DEPDC5: variants seen among roughly 807,000 people sequenced by gnomAD.
DEPDC5 encodes DEP domain containing 5, GATOR1 subcomplex subunit.
A neutral mutation model predicts 217.3 loss-of-function variants in DEPDC5; 73 were observed. The ratio of observed to expected loss-of-function variants is 0.34; its 90% confidence interval spans 0.28 to 0.41. The LOEUF (loss-of-function observed/expected upper bound fraction) is 0.41, where lower values mean the gene tolerates loss of function less well. Among genes scored for constraint, DEPDC5 ranks in the 10% least tolerant of loss-of-function variants. The pLI, the probability that DEPDC5 is intolerant of heterozygous loss-of-function variation, is 1.00. For missense variants in DEPDC5, 1,675 were observed against 2,070.1 expected (o/e 0.81, Z 3.70); for synonymous variants, 733 against 756.7 (o/e 0.97, Z 0.51).
rs749359485 is a variant in DEPDC5, at chr22:31,804,160, A to G, written c.1082-2A>G. ...AATTCTTTTTGTCTTTTCTTTTTTT[A>G]GGAATTGGTGTGGATTTGGTGTGCA... is the stretch of plus-strand genomic sequence containing the variant. On this transcript the variant is annotated splice_acceptor_variant, in intron 15 of 42. Transcript: ENST00000651528. LOFTEE classifies it high-confidence loss of function. 6.2e-7 allele frequency: 1 copy of G among 1,613,852 alleles called. No individual in the cohort carries two copies. The highest frequency in any genetic ancestry group is 1.3e-5 in the African/African-American group (1 of 74,974).
At chr22:31,785,089 C>T in intron 10 of DEPDC5, 1 of 473,522 alleles carries the variant, frequency 2.1e-6, no homozygotes. Flanking sequence ...GAAAACTTTC[C>T]CCCAAGATCA....
rs1359197227 is a variant in DEPDC5, at chr22:31,838,913, A to ATGG, written c.2515+70_2515+72dup. 26 of 1,502,516 alleles carry ATGG rather than the reference A, an allele frequency of 1.7e-5. No individual in the cohort carries two copies. The African/African-American group carries it at 3.2e-4, about 19-fold the overall frequency. The allele number at this position is 1,502,516 out of a possible 1,614,324, so 93.1% of individuals were successfully genotyped here. ...GTGTATGTGGAAGTGGGTTTTCAAG[A>ATGG]TGGTAGGTAGTAGATAAATTTAGTA... On this transcript the variant is annotated intron_variant, in intron 27 of 42. Coordinates refer to ENST00000651528, the MANE Select transcript of DEPDC5 (RefSeq NM_001242896.3).
At chr22:31,864,675 G>GAA (rs2092635325) in intron 33 of DEPDC5, among the ~76,000 whole-genome samples, 1 of 151,556 alleles carries the variant, frequency 6.6e-6, no homozygotes, top group African/African-American at 2.4e-5. Flanking sequence ...AGCACTTTGG[G>GAA]AGGCCAAAGT....
chr22:31,770,131 G>A (rs1405930656), intron 7 of DEPDC5, among the ~76,000 whole-genome samples: 1 of 150,770 alleles, frequency 6.6e-6, no homozygotes, highest in Non-Finnish European at 1.5e-5. Flanking sequence ...CTACTCAGGA[G>A]GCTGAGGTGG....
In DEPDC5 at chr22:31,768,684, G is replaced by A. The variant is rs1005912191; in HGVS notation, c.364-130G>A. The A allele has an allele frequency of 5.2e-6, 4 of 767,478 alleles. No homozygotes were observed. In the African/African-American group the frequency reaches 5.3e-5, roughly 10 times the overall value. 47.5% of individuals were successfully genotyped at this position (767,478 alleles called of 1,614,324 possible). The stretch of plus-strand genomic sequence containing the variant: ...AAGCTAGTTCAACTTTGGGTTGGTA[G>A]AAGAGATTAGAAAGCTAGGAGTTCT... On this transcript the variant is annotated intron_variant, in intron 6 of 42. Coordinates refer to ENST00000651528, the MANE Select transcript of DEPDC5 (RefSeq NM_001242896.3).
chr22:31,783,209 A>G (rs2084633597), intron 8 of DEPDC5, among the ~76,000 whole-genome samples: 1 of 152,180 alleles, frequency 6.6e-6, no homozygotes, highest in Non-Finnish European at 1.5e-5. Flanking sequence ...AGGGAATAAA[A>G]GCTGGCCACC....
chr22:31,834,314 G>C (rs1280000184), intron 25 of DEPDC5: 2 of 271,626 alleles, frequency 7.4e-6, no homozygotes, highest in East Asian at 1.4e-4. Context: ...AGACATAATA[G>C]GCTGTTAACT....
chr22:31,861,904 C>A (rs879627345), intron 33 of DEPDC5, among the ~76,000 whole-genome samples: 1 of 152,194 alleles, frequency 6.6e-6, no homozygotes, highest in East Asian at 1.9e-4. Flanking sequence ...AGGTGTAGCT[C>A]ACCTAGCTTC....
At chr22:31,758,167 G>A (rs558137639) in intron 2 of DEPDC5, among the ~76,000 whole-genome samples, 3 of 152,270 alleles carry the variant, frequency 2.0e-5, no homozygotes, top group Admixed American at 6.5e-5. Flanking sequence ...TAACTGTAAC[G>A]AATTGTGCTG....
In DEPDC5 at chr22:31,906,428, C is replaced by G; in HGVS notation, c.4743C>G (p.Ile1581Met). The change falls in exon 43 of 43, where the codon ATC (isoleucine) becomes ATG (methionine). Residue 1581 changes from isoleucine to methionine, a missense_variant. Around this residue, in one of 11 missense-constraint regions of DEPDC5, gnomAD observed 49 missense variants for 74.7 expected, o/e 0.66. Coordinates refer to ENST00000651528, the MANE Select transcript of DEPDC5 (RefSeq NM_001242896.3). The surrounding 1 kb of genome is among the most constrained non-coding windows in gnomAD (Gnocchi z 5.1). The part of the protein sequence containing the change: ...RLLKDFTDFC[I>M]NRDNRLVTFW... ...TGAAGGACTTCACGGACTTCTGCAT[C>G]AACCGTGACAACCGGCTGGTCACGT... 6.2e-7 allele frequency: 1 copy of G among 1,614,044 alleles called. No homozygotes were observed. The highest frequency in any genetic ancestry group is 8.5e-7 in the Non-Finnish European group (1 of 1,180,048).
intron 7 of DEPDC5, among the ~76,000 whole-genome samples, chr22:31,773,930 G>T (rs1430515620): frequency 1.3e-5 from 2 of 152,086 alleles, no homozygotes; most frequent in Non-Finnish European, 2.9e-5. Context: ...AATTAGCTGA[G>T]CATGATGGCA....
At chr22:31,826,755 A>T (rs1318661499) in intron 24 of DEPDC5, among the ~76,000 whole-genome samples, 1 of 152,208 alleles carries the variant, frequency 6.6e-6, no homozygotes, top group Non-Finnish European at 1.5e-5. Flanking sequence ...GCTTATCTTT[A>T]TTCATTTTCT....
At chr22:31,832,227 A>G (rs2063606774) in intron 24 of DEPDC5, among the ~76,000 whole-genome samples, 1 of 152,258 alleles carries the variant, frequency 6.6e-6, no homozygotes, top group Admixed American at 6.5e-5. Flanking sequence ...TAAGACTTCT[A>G]TAAATGTTTA....
chr22:31,873,603 A>G (rs1380627501), intron 35 of DEPDC5, among the ~76,000 whole-genome samples: 1 of 151,906 alleles, frequency 6.6e-6, no homozygotes, highest in East Asian at 1.9e-4. Flanking sequence ...CTCTGCCTCA[A>G]GATGGGATTT....
At chr22:31,844,559 C>T (rs542761834) in intron 29 of DEPDC5, among the ~76,000 whole-genome samples, 11 of 152,136 alleles carry the variant, frequency 7.2e-5, no homozygotes, top group African/African-American at 2.2e-4. Flanking sequence ...AGCTTTGTGA[C>T]GCCTGATTTT....
chr22:31,902,772 C>T (rs1031246751), intron 41 of DEPDC5, among the ~76,000 whole-genome samples: 2 of 152,074 alleles, frequency 1.3e-5, no homozygotes, highest in Admixed American at 6.5e-5. Context: ...TCTTACCCCT[C>T]ACGGGGAAGC....
rs1350787246 is a variant in DEPDC5 at position 31,845,246 on chromosome 22, TC to T, written c.3021+11del. 4 of 1,610,834 alleles carry T rather than the reference TC, an allele frequency of 2.5e-6. No homozygotes were observed. Among genetic ancestry groups the T allele is most frequent in the Non-Finnish European group, 3.4e-6 (4 of 1,178,628 alleles). Reference sequence around the variant, plus strand: ...CGGATCGCATGATGCGGGTAAGGGCTCCTTAGACTCAGGGAGTGCGCCTGGT... The same window carrying T: ...CGGATCGCATGATGCGGGTAAGGGCTCTTAGACTCAGGGAGTGCGCCTGGT... On this transcript the variant is annotated intron_variant, in intron 30 of 42. Coordinates refer to ENST00000651528, the MANE Select transcript of DEPDC5 (RefSeq NM_001242896.3).
At position 31,846,910 on chromosome 22, in the gene DEPDC5, T is replaced by C. The variant is rs1255889008; in HGVS notation, c.3098T>C (p.Val1033Ala). 1 of 1,614,194 alleles carries C rather than the reference T, an allele frequency of 6.2e-7. No homozygotes were observed. The highest frequency in any genetic ancestry group is 1.1e-5 in the South Asian group (1 of 91,080). The change falls in exon 31 of 43, where the codon GTG (valine) becomes GCG (alanine). Residue 1033 changes from valine (V) to alanine (A), a missense_variant. Physicochemically the swap from Val to Ala is moderately conservative, Grantham distance 64. Around this residue, in one of 11 missense-constraint regions of DEPDC5, gnomAD observed 293 missense variants for 386.1 expected, o/e 0.76. Coordinates refer to ENST00000651528, the MANE Select transcript of DEPDC5 (RefSeq NM_001242896.3). ...TCTCTGGAGTCAACTGCACCCCCAG[T>C]GGGGAAGAAGGGAACCTCAGCTCTC... ...THSLESTAPP[V>A]GKKGTSALSA...
At chr22:31,804,279 G>A in intron 16 of DEPDC5, 56 bp downstream of exon 16, 1 of 1,575,334 alleles carries the variant, frequency 6.3e-7, no homozygotes, top group Non-Finnish European at 8.7e-7. Flanking sequence ...GTTAGAAAGA[G>A]AAAAATTCCA....
Sources: gnomAD v4.1 joint callset for allele counts (sites outside exome capture counted in the v4.1 genomes callset) on GRCh38, gnomAD v4.1.1 for gene constraint, gnomAD v4.1.1 regional missense constraint, Gnocchi (gnomAD v3.1) non-coding constraint, MANE v1.5 for transcripts, NCBI Gene and HGNC (gene_info 2026-07-23, HGNC 2026-07-21) for gene names.